Variants in NOS1AP observed in about 807,000 individuals in gnomAD.
NOS1AP encodes carboxyl-terminal PDZ ligand of neuronal nitric oxide synthase protein.
NOS1AP carries 21 observed loss-of-function variants against 56.2 expected under a neutral mutation model. The ratio of observed to expected loss-of-function variants is 0.37; its 90% CI spans 0.26 to 0.54. The LOEUF (loss-of-function observed/expected upper bound fraction) is 0.54. Ranked by LOEUF, NOS1AP falls within the 20% of genes least tolerant of loss-of-function variation. NOS1AP has a pLI of 0.84. For missense variants in NOS1AP, 522 were observed against 657.8 expected (o/e 0.79, Z 2.26); for synonymous variants, 270 against 274.6 (o/e 0.98, Z 0.17).
intron 2 of NOS1AP, among the ~76,000 whole-genome samples, chr1:162,260,438 G>A (rs1169239616): frequency 6.6e-6 from 1 of 152,118 alleles, no homozygotes; most frequent in African/African-American, 2.4e-5. Context: ...TGTAACATCA[G>A]CATTAATACA....
chr1:162,264,454 T>TC (rs879475910), intron 2 of NOS1AP, among the ~76,000 whole-genome samples: 19,929 of 42,028 alleles, frequency 0.47, 4,276 homozygotes, highest in Non-Finnish European at 0.54. Context: ...TCTTCTCTTC[T>TC]CTTCTCTTCT....
intron 1 of NOS1AP, among the ~76,000 whole-genome samples, chr1:162,093,438 G>A (rs980568863): frequency 1.6e-4 from 24 of 152,288 alleles, no homozygotes; most frequent in Non-Finnish European, 2.8e-4. Context: ...TGAATAGAGT[G>A]CTTTTCATAT....
intron 1 of NOS1AP, among the ~76,000 whole-genome samples, chr1:162,136,934 G>C (rs1649027824): frequency 6.6e-6 from 1 of 152,216 alleles, no homozygotes; most frequent in South Asian, 2.1e-4. Flanking sequence ...GAGTGCAGCA[G>C]CTCTGAGTCT....
At chr1:162,292,931 C>T (rs1004086308) in intron 3 of NOS1AP, among the ~76,000 whole-genome samples, 25 of 152,262 alleles carry the variant, frequency 1.6e-4, no homozygotes, top group African/African-American at 5.8e-4. Context: ...CAGTGACTGT[C>T]CCTAGGACCC....
chr1:162,330,890 G>A (rs1656746397), intron 4 of NOS1AP, among the ~76,000 whole-genome samples: 1 of 152,188 alleles, frequency 6.6e-6, no homozygotes, highest in Admixed American at 6.5e-5. Flanking sequence ...ACTTGCTCCT[G>A]AGTGATGGCT....
chr1:162,129,366 T>G (rs1345529407), intron 1 of NOS1AP, among the ~76,000 whole-genome samples: 2 of 152,176 alleles, frequency 1.3e-5, no homozygotes, highest in Non-Finnish European at 2.9e-5. Context: ...TAAACCCTGA[T>G]TGTTGCCCAC....
intron 3 of NOS1AP, among the ~76,000 whole-genome samples, chr1:162,291,839 A>G (rs1449335421): frequency 6.6e-6 from 1 of 152,214 alleles, no homozygotes; most frequent in Non-Finnish European, 1.5e-5. Flanking sequence ...TTCAACTCGC[A>G]TCTAGGCTCA....
At chr1:162,337,621 T>C (rs1479457783) in intron 5 of NOS1AP, among the ~76,000 whole-genome samples, 2 of 152,200 alleles carry the variant, frequency 1.3e-5, no homozygotes, top group East Asian at 1.9e-4. Context: ...AGTCACCCAG[T>C]TGGTTCTGAC....
chr1:162,119,251 T>G (rs2102049644), intron 1 of NOS1AP, among the ~76,000 whole-genome samples: 1 of 152,244 alleles, frequency 6.6e-6, no homozygotes, highest in East Asian at 1.9e-4. Flanking sequence ...CTGGAGAAAG[T>G]CTCTCCAGGC....
At chr1:162,251,855 T>C (rs1209674081) in intron 2 of NOS1AP, among the ~76,000 whole-genome samples, 1 of 86,978 alleles carries the variant, frequency 1.1e-5, no homozygotes, top group Non-Finnish European at 2.8e-5. Context: ...ACCTAGCTAG[T>C]TGTTTTTTTT....
chr1:162,087,840 G>T (rs1370898838), intron 1 of NOS1AP, among the ~76,000 whole-genome samples: 1 of 152,146 alleles, frequency 6.6e-6, no homozygotes, highest in Non-Finnish European at 1.5e-5. Context: ...TCTTTGAGGC[G>T]TGGGAGGAGA....
intron 2 of NOS1AP, among the ~76,000 whole-genome samples, chr1:162,158,161 C>T (rs947395669): frequency 6.6e-6 from 1 of 152,188 alleles, no homozygotes; most frequent in African/African-American, 2.4e-5. Context: ...CCCCTTCCCC[C>T]TCTTGCCAGC....
chr1:162,161,194 C>T (rs527650394), intron 2 of NOS1AP, among the ~76,000 whole-genome samples: 5 of 152,310 alleles, frequency 3.3e-5, no homozygotes, highest in African/African-American at 1.2e-4. Context: ...TCTCAAGGTC[C>T]TTAATTTGGT....
At chr1:162,122,284 AC>A (rs1429344074) in intron 1 of NOS1AP, among the ~76,000 whole-genome samples, 4 of 152,160 alleles carry the variant, frequency 2.6e-5, no homozygotes, top group African/African-American at 9.7e-5. Context: ...AGTGAAATAA[AC>A]TCTTTGGTGG....
chr1:162,354,284 G>A (rs1018937719), intron 6 of NOS1AP, among the ~76,000 whole-genome samples: 5 of 152,126 alleles, frequency 3.3e-5, no homozygotes, highest in African/African-American at 4.8e-5. Flanking sequence ...ATTTAAAGAC[G>A]GCAGTAATTA....
At chr1:162,285,142 C>T (rs1249766242) in intron 2 of NOS1AP, among the ~76,000 whole-genome samples, 2 of 152,172 alleles carry the variant, frequency 1.3e-5, no homozygotes, top group African/African-American at 2.4e-5. Context: ...GTTTTGCCCT[C>T]TTCTGGGTGT....
chr1:162,289,272 CCTTCCT>C (rs1557864890), intron 3 of NOS1AP, among the ~76,000 whole-genome samples: 1 of 60,510 alleles, frequency 1.7e-5, no homozygotes, highest in African/African-American at 1.0e-4. Context: ...TTCCTTCCTT[CCTTCCT>C]TTCCTTCCTT....
At chr1:162,318,638 C>G (rs1656307456) in intron 4 of NOS1AP, among the ~76,000 whole-genome samples, 1 of 151,988 alleles carries the variant, frequency 6.6e-6, no homozygotes, top group African/African-American at 2.4e-5. Flanking sequence ...TCTCAATGAG[C>G]CCCCTTTCTT....
intron 8 of NOS1AP, chr1:162,363,787 C>T: frequency 3.0e-6 from 3 of 985,416 alleles, no homozygotes; most frequent in Non-Finnish European, 3.6e-6. Flanking sequence ...TCTCACCCCT[C>T]CCCAGATCTT....
Sources: gnomAD v4.1 joint callset for allele counts (sites outside exome capture counted in the v4.1 genomes callset) on GRCh38, gnomAD v4.1.1 for gene constraint, MANE v1.5 for transcripts, NCBI Gene and HGNC (gene_info 2026-07-23, HGNC 2026-07-21) for gene names.